The following CSMD3 variants were observed in gnomAD, a reference collection of about 807,000 sequenced individuals.
CSMD3 encodes CUB and sushi domain-containing protein 3.
Under a neutral mutation model 435.2 loss-of-function variants are expected in CSMD3, and 177 were observed. The ratio of observed to expected loss-of-function variants is 0.41; its 90% CI spans 0.36 to 0.46. The LOEUF is 0.46. Among genes scored for constraint, CSMD3 ranks in the 20% least tolerant of loss-of-function variants. The pLI is 0.34. For synonymous variants in CSMD3, 1,656 were observed against 1,520.5 expected (o/e 1.09, Z -2.07); for missense variants, 4,265 against 4,504.6 (o/e 0.95, Z 1.52).
At chr8:112,915,617 T>C (rs1266692016) in intron 10 of CSMD3, among the ~76,000 whole-genome samples, 1 of 151,598 alleles carries the variant, frequency 6.6e-6, no homozygotes, top group Non-Finnish European at 1.5e-5. Context: ...TAAAAATGCA[T>C]GAAGACAAAT....
At position 112,311,080 on chromosome 8, in the gene CSMD3, C is replaced by T. The variant is rs1446041753; in HGVS notation, c.7783G>A (p.Ala2595Thr). Residue 2595 changes from alanine (A) to threonine (T), a missense_variant, in exon 50 of 71, where the codon GCC (alanine) becomes ACC (threonine). Ala to Thr is a moderately conservative substitution (Grantham distance 58). This residue lies in a region of CSMD3 where 3,255 missense variants were observed against 3,380.2 expected (regional missense o/e 0.96). Coordinates refer to ENST00000297405, the MANE Select transcript of CSMD3 (RefSeq NM_198123.2). ...ACAAGTCGGAATCCTCGATCACAGG[C>T]CCAACGGACCACACTGTTAAGCTGC... ...GGQLNSVVRW[A>T]CDRGFRLVGK... The T allele has an allele frequency of 5.6e-6, 9 of 1,614,022 alleles. No individual in the cohort carries two copies. Among genetic ancestry groups the T allele is most frequent in the Non-Finnish European group, 7.6e-6 (9 of 1,179,958 alleles).
chr8:112,882,436 T>G (rs548263049), intron 10 of CSMD3, among the ~76,000 whole-genome samples: 1 of 152,142 alleles, frequency 6.6e-6, no homozygotes, highest in Admixed American at 6.6e-5. Flanking sequence ...ACAAGCTTCC[T>G]TTGCACATGG....
chr8:113,234,167 G>T (rs1469159797), intron 3 of CSMD3, among the ~76,000 whole-genome samples: 1 of 152,042 alleles, frequency 6.6e-6, no homozygotes, highest in Non-Finnish European at 1.5e-5. Context: ...AATTCATAGA[G>T]AATCTTCTTC....
At chr8:113,030,021 T>C (rs1298297610) in intron 5 of CSMD3, among the ~76,000 whole-genome samples, 1 of 151,356 alleles carries the variant, frequency 6.6e-6, no homozygotes, top group African/African-American at 2.4e-5. Flanking sequence ...GAACCCCTTT[T>C]ATAATAGCTG....
intron 10 of CSMD3, among the ~76,000 whole-genome samples, chr8:112,897,692 C>CTGTGTGTG (rs1172828603): frequency 2.1e-4 from 12 of 57,060 alleles, no homozygotes; most frequent in African/African-American, 6.2e-4. Context: ...CTCTCTCTCT[C>CTGTGTGTG]TCTGTGTGTG....
Position 112,411,129 on chromosome 8 carries a change from T to TGG in CSMD3, c.5396-2098_5396-2097insCC, listed in dbSNP as rs951275758. ...AAAGAAAAAAAAATTCATCTTTTTT[T>TGG]TTTTTTTTTTGCCTTTAGGCCTCTT... On this transcript the variant is annotated intron_variant, in intron 32 of 70. Transcript: ENST00000297405. Among the ~76,000 whole-genome samples the TGG allele has an allele frequency of 5.5e-3, 834 of 150,560 alleles. 26 individuals carry two copies. In the East Asian group the frequency reaches 0.095, roughly 17 times the overall value.
At chr8:113,364,517 G>A (rs569637018) in intron 1 of CSMD3, among the ~76,000 whole-genome samples, 2 of 152,112 alleles carry the variant, frequency 1.3e-5, no homozygotes, top group South Asian at 4.1e-4. Context: ...AAGGAAAATA[G>A]CCAAATTAAA....
chr8:113,127,139 T>C (rs1402462952), intron 4 of CSMD3, among the ~76,000 whole-genome samples: 1 of 152,026 alleles, frequency 6.6e-6, no homozygotes, highest in East Asian at 1.9e-4. Context: ...TATCTTACAA[T>C]TCTCCTTTGA....
At chr8:112,799,791 C>T (rs2078918134) in intron 13 of CSMD3, among the ~76,000 whole-genome samples, 1 of 151,796 alleles carries the variant, frequency 6.6e-6, no homozygotes. Context: ...GGATTTCAGA[C>T]CTTTACTGTT....
At chr8:112,329,968 G>T (rs546631925) in intron 45 of CSMD3, among the ~76,000 whole-genome samples, 16 of 151,652 alleles carry the variant, frequency 1.1e-4, no homozygotes, top group Non-Finnish European at 1.5e-5. Context: ...ATTATTACAC[G>T]ATGTCCATAC....
intron 1 of CSMD3, among the ~76,000 whole-genome samples, chr8:113,378,570 T>C (rs935011915): frequency 1.3e-5 from 2 of 152,172 alleles, no homozygotes; most frequent in African/African-American, 4.8e-5. Context: ...TTGAAATTTA[T>C]AGAAAGAGAA....
In CSMD3 at chr8:112,685,551, A is replaced by G. The variant is rs751262044; in HGVS notation, c.2337T>C (p.Asp779=). 2.8e-5 allele frequency: 45 copies of G among 1,613,972 alleles called. No individual in the cohort carries two copies. Among genetic ancestry groups the G allele is most frequent in the Non-Finnish European group, 3.8e-5 (45 of 1,179,980 alleles). ...GAATTGGGGATTCTGGAGAGTCACC[A>G]TCTTTAACAGCAAGGAAATCAAACT... is the stretch of plus-strand genomic sequence containing the variant. ...ESQFDFLAVK[D]GDSPESPILG... Residue 779 remains aspartate (D), a synonymous_variant, in exon 15 of 71, where the codon GAT becomes GAC. Coordinates refer to ENST00000297405, the MANE Select transcript of CSMD3 (RefSeq NM_198123.2).
chr8:113,340,557 C>T (rs969876092), intron 1 of CSMD3, among the ~76,000 whole-genome samples: 1 of 152,024 alleles, frequency 6.6e-6, no homozygotes, highest in Non-Finnish European at 1.5e-5. Flanking sequence ...TCACAATTTT[C>T]TATCTGTTCT....
chr8:112,961,786 C>T (rs1023246850), intron 7 of CSMD3, among the ~76,000 whole-genome samples: 12 of 151,868 alleles, frequency 7.9e-5, no homozygotes, highest in African/African-American at 2.9e-4. Flanking sequence ...TGTATATGGG[C>T]TTTCTTTCTT....
intron 13 of CSMD3, among the ~76,000 whole-genome samples, chr8:112,757,063 C>G (rs1377229728): frequency 6.6e-6 from 1 of 152,100 alleles, no homozygotes. Context: ...GCTACTGTGC[C>G]TGGCCCTCCC....
At chr8:112,449,158 G>A (rs1045591678) in intron 32 of CSMD3, among the ~76,000 whole-genome samples, 1 of 152,168 alleles carries the variant, frequency 6.6e-6, no homozygotes, top group Non-Finnish European at 1.5e-5. Context: ...TGGCTTAAGT[G>A]AATCAATATT....
chr8:113,029,841 T>C (rs2087017768), intron 5 of CSMD3, among the ~76,000 whole-genome samples: 1 of 151,466 alleles, frequency 6.6e-6, no homozygotes, highest in East Asian at 1.9e-4. Flanking sequence ...AAACTGTCAC[T>C]GTTTGCTGAT....
chr8:113,256,072 G>A (rs2093378085), intron 3 of CSMD3, among the ~76,000 whole-genome samples: 1 of 151,952 alleles, frequency 6.6e-6, no homozygotes, highest in South Asian at 2.1e-4. Context: ...TGCTACATGA[G>A]GATCCTACAT....
intron 1 of CSMD3, among the ~76,000 whole-genome samples, chr8:113,407,553 C>T (rs947282023): frequency 1.3e-5 from 2 of 151,748 alleles, no homozygotes; most frequent in African/African-American, 4.8e-5. Context: ...TACATACATA[C>T]ACACACACAT....
Sources: allele counts gnomAD v4.1 joint callset (sites outside exome capture counted in the v4.1 genomes callset), GRCh38; gene constraint gnomAD v4.1.1; regional missense constraint gnomAD v4.1.1; transcripts MANE v1.5; gene names NCBI Gene and HGNC (gene_info 2026-07-23, HGNC 2026-07-21).